MTHFD2L: variants seen among roughly 807,000 people sequenced by gnomAD.
MTHFD2L encodes the protein methylenetetrahydrofolate dehydrogenase (NADP+ dependent) 2 like.
In MTHFD2L, 29 loss-of-function variants were observed where a neutral mutation model predicts 34.9. The ratio of observed to expected loss-of-function variants is 0.83; its 90% CI spans 0.62 to 1.13. The LOEUF (loss-of-function observed/expected upper bound fraction) is 1.13, where lower values mean the gene tolerates loss of function less well. Ranked by LOEUF, MTHFD2L falls within the 50% of genes most tolerant of loss-of-function variation. MTHFD2L has a pLI of 0.00. For missense variants in MTHFD2L, 481 were observed against 446.5 expected (o/e 1.08, Z -0.70); for synonymous variants, 167 against 155.7 (o/e 1.07, Z -0.54).
intron 6 of MTHFD2L, among the ~76,000 whole-genome samples, chr4:74,236,140 A>G (rs1323059924): frequency 2.0e-5 from 3 of 152,048 alleles, no homozygotes; most frequent in Admixed American, 1.3e-4. Context: ...GTTAATTTCT[A>G]TTATCTGACT....
intron 6 of MTHFD2L, among the ~76,000 whole-genome samples, chr4:74,270,232 C>T (rs1223940470): frequency 6.6e-6 from 1 of 151,786 alleles, no homozygotes; most frequent in Admixed American, 6.6e-5. Context: ...AGGTTTGTTA[C>T]GTATGTATAC....
At chr4:74,285,930 G>A (rs1748116349) in intron 7 of MTHFD2L, among the ~76,000 whole-genome samples, 1 of 152,114 alleles carries the variant, frequency 6.6e-6, no homozygotes, top group South Asian at 2.1e-4. Context: ...TGTCTAGGTA[G>A]GTTGTTCACT....
At chr4:74,151,445 G>A (rs548983774) in intron 1 of MTHFD2L, among the ~76,000 whole-genome samples, 98 of 152,266 alleles carry the variant, frequency 6.4e-4, no homozygotes, top group Non-Finnish European at 1.3e-3. Context: ...GAGAACCTTA[G>A]ATTTAGAAAA....
At chr4:74,292,290 G>A (rs1749059703) in intron 7 of MTHFD2L, among the ~76,000 whole-genome samples, 1 of 152,202 alleles carries the variant, frequency 6.6e-6, no homozygotes, top group Non-Finnish European at 1.5e-5. Flanking sequence ...ATAGAGCAGA[G>A]TTAAAGTTGA....
chr4:74,267,072 C>T (rs1745367151), intron 6 of MTHFD2L: 1 of 985,184 alleles, frequency 1.0e-6, no homozygotes, highest in Non-Finnish European at 1.2e-6. Context: ...TTGCTTTGAT[C>T]CTTTTACACA....
intron 6 of MTHFD2L, among the ~76,000 whole-genome samples, chr4:74,226,357 C>T (rs1739161490): frequency 6.6e-6 from 1 of 152,164 alleles, no homozygotes; most frequent in South Asian, 2.1e-4. Context: ...CAGAGAATGT[C>T]TGTCTACTGA....
At chr4:74,121,020 G>T (rs779782253), upstream of MTHFD2L, among the ~76,000 whole-genome samples, 1 of 152,150 alleles carries the variant, frequency 6.6e-6, no homozygotes, top group African/African-American at 2.4e-5. Flanking sequence ...GGAATTATGG[G>T]GGCAACAAGT....
At chr4:74,125,437 T>C (rs565274664), upstream of MTHFD2L, 3 of 152,304 alleles carry the variant, frequency 2.0e-5, no homozygotes, top group East Asian at 5.8e-4. Context: ...TTTCACTCTT[T>C]AGTGTGAAGC....
chr4:74,126,491 A>G (rs570871115), intron 1 of MTHFD2L, among the ~76,000 whole-genome samples: 11 of 152,136 alleles, frequency 7.2e-5, no homozygotes, highest in African/African-American at 2.4e-4. Flanking sequence ...CAATATCCAC[A>G]CCTTGCTGTC....
At chr4:74,126,945 T>G (rs150827053) in intron 1 of MTHFD2L, among the ~76,000 whole-genome samples, 276 of 152,084 alleles carry the variant, frequency 1.8e-3, no homozygotes, top group African/African-American at 6.6e-3. Flanking sequence ...AATTGAATCA[T>G]GGGGGCGATT....
intron 1 of MTHFD2L, among the ~76,000 whole-genome samples, chr4:74,126,150 C>A (rs1578218629): frequency 1.3e-5 from 2 of 152,144 alleles, no homozygotes; most frequent in Non-Finnish European, 2.9e-5. Flanking sequence ...CACTTAACCT[C>A]ATCAATAAAT....
intron 1 of MTHFD2L, among the ~76,000 whole-genome samples, chr4:74,144,725 A>G (rs991062706): frequency 6.6e-6 from 1 of 152,094 alleles, no homozygotes; most frequent in East Asian, 1.9e-4. Flanking sequence ...GAGATGTCCC[A>G]TGGCTCACTG....
At chr4:74,185,973 A>G (rs1731159648) in intron 3 of MTHFD2L, among the ~76,000 whole-genome samples, 1 of 152,186 alleles carries the variant, frequency 6.6e-6, no homozygotes, top group Admixed American at 6.5e-5. Context: ...AGATAGATTC[A>G]AAAGGTATTA....
chr4:74,272,778 G>A (rs1314916705), intron 6 of MTHFD2L, among the ~76,000 whole-genome samples: 1 of 152,034 alleles, frequency 6.6e-6, no homozygotes, highest in African/African-American at 2.4e-5. Flanking sequence ...TTTATTTCTG[G>A]CTTAAGGTCA....
chr4:74,241,184 A>G (rs568173139), intron 6 of MTHFD2L, among the ~76,000 whole-genome samples: 2 of 152,242 alleles, frequency 1.3e-5, no homozygotes, highest in African/African-American at 2.4e-5. Context: ...TGAGTTCCTT[A>G]CTTTTACCAT....
At chr4:74,140,556 A>T in intron 1 of MTHFD2L, 1 of 979,422 alleles carries the variant, frequency 1.0e-6, no homozygotes, top group Non-Finnish European at 1.2e-6. Context: ...TTATTCATTT[A>T]GGCTATACTA....
chr4:74,187,555 TAAC>T (rs1731529830), intron 3 of MTHFD2L, among the ~76,000 whole-genome samples: 2 of 152,132 alleles, frequency 1.3e-5, no homozygotes, highest in Admixed American at 6.5e-5. Flanking sequence ...TGAAAAGTAT[TAAC>T]AAGATACTAC....
intron 1 of MTHFD2L, among the ~76,000 whole-genome samples, chr4:74,126,021 T>A (rs920614068): frequency 6.6e-6 from 1 of 152,178 alleles, no homozygotes; most frequent in African/African-American, 2.4e-5. Flanking sequence ...TCCAAGGGCT[T>A]TCTCTGGTTA....
chr4:74,282,601 C>T (rs1283320112), intron 7 of MTHFD2L, among the ~76,000 whole-genome samples: 2 of 152,066 alleles, frequency 1.3e-5, no homozygotes, highest in South Asian at 2.1e-4. Flanking sequence ...TTCTAAGATA[C>T]ATCAGGGACC....
Sources: allele counts gnomAD v4.1 joint callset (sites outside exome capture counted in the v4.1 genomes callset), GRCh38; gene constraint gnomAD v4.1.1; transcripts MANE v1.5; gene names NCBI Gene and HGNC (gene_info 2026-07-23, HGNC 2026-07-21).